Variants in GLYATL2 observed in about 807,000 individuals in gnomAD.
The protein encoded by GLYATL2 is glycine N-acyltransferase-like protein 2.
Under a neutral mutation model 21.4 loss-of-function variants are expected in GLYATL2, and 25 were observed. The observed-to-expected ratio is 1.17, with a 90% CI of 0.85 to 1.63. The LOEUF (loss-of-function observed/expected upper bound fraction) is 1.63, where lower values mean the gene tolerates loss of function less well. GLYATL2 is among the 40% of genes most tolerant of loss of function. GLYATL2 has a pLI of 0.00. For synonymous variants in GLYATL2, 114 were observed against 118.2 expected, an observed-to-expected ratio of 0.96 and a Z score of 0.23; for missense variants, 361 against 343.3, an observed-to-expected ratio of 1.05 and a Z score of -0.41.
upstream of GLYATL2, among the ~76,000 whole-genome samples, chr11:58,848,843 G>C (rs115529724): frequency 5.3e-3 from 813 of 152,250 alleles, 9 homozygotes; most frequent in African/African-American, 0.019. Flanking sequence ...ATCAGTATCT[G>C]AGTACAGGAA....
intron 1 of GLYATL2, among the ~76,000 whole-genome samples, chr11:58,868,293 A>G (rs1854055040): frequency 6.7e-6 from 1 of 148,784 alleles, no homozygotes. Flanking sequence ...TTTCTTCCTT[A>G]GTAAAGGAGC....
intron 1 of GLYATL2, among the ~76,000 whole-genome samples, chr11:58,899,103 C>G (rs1405962338): frequency 2.0e-5 from 3 of 152,116 alleles, no homozygotes; most frequent in African/African-American, 4.8e-5. Flanking sequence ...AACCTTGAAC[C>G]TTCATTCAAG....
At chr11:58,905,431 G>A (rs1216433860), upstream of GLYATL2, 5 of 452,304 alleles carry the variant, frequency 1.1e-5, no homozygotes, top group Admixed American at 1.2e-4. Flanking sequence ...CCCATCAGCG[G>A]CAGAAGGGCA....
At chr11:58,848,621 G>A (rs1454506040), upstream of GLYATL2, among the ~76,000 whole-genome samples, 2 of 152,064 alleles carry the variant, frequency 1.3e-5, no homozygotes, top group Non-Finnish European at 1.5e-5. Flanking sequence ...GAATTAGTGA[G>A]CTTGAAGACA....
rs780202477 is a variant in GLYATL2 at position 58,837,393 on chromosome 11, A to G, written c.191T>C (p.Met64Thr). 2.2e-5 allele frequency: 35 copies of G among 1,612,180 alleles called. No individual in the cohort carries two copies. The South Asian group carries it at 2.9e-4, about 13-fold the overall frequency. ...IVITRPQKQE[M>T]KDDQDHYTNT... ...GGTATAATGATCCTGGTCATCTTTC[A>G]TCTCCTGATATAACAAATATCAATT... Residue 64 changes from methionine to threonine, a missense_variant, in exon 4 of 6, where the codon ATG becomes ACG. Met to Thr is a moderately conservative substitution (Grantham distance 81). Coordinates refer to ENST00000287275, the MANE Select transcript of GLYATL2 (RefSeq NM_145016.4).
chr11:58,870,655 G>C (rs952333959), intron 1 of GLYATL2, among the ~76,000 whole-genome samples: 1 of 152,150 alleles, frequency 6.6e-6, no homozygotes, highest in Non-Finnish European at 1.5e-5. Context: ...CTGGGTAAAG[G>C]CAGGATTTTA....
In GLYATL2 at chr11:58,834,371, T is replaced by G. The variant is rs746567898; in HGVS notation, c.*58A>C. ...GTGCTAATGTAGATCACAATGCTTG[T>G]GTTTGAATTAATGTTTTTTTACTGA... is the stretch of plus-strand genomic sequence containing the variant. On this transcript the variant is annotated 3_prime_UTR_variant, in exon 6 of 6. Coordinates refer to ENST00000287275, the MANE Select transcript of GLYATL2 (RefSeq NM_145016.4). 163 of 1,367,382 alleles carry G rather than the reference T, an allele frequency of 1.2e-4. No individual in the cohort carries two copies. Among genetic ancestry groups the G allele is most frequent in the Non-Finnish European group, 1.6e-4 (158 of 999,820 alleles). The allele number at this position is 1,367,382 out of a possible 1,614,324, so 84.7% of individuals were successfully genotyped here.
intron 3 of GLYATL2, among the ~76,000 whole-genome samples, chr11:58,837,754 G>A (rs1430759646): frequency 6.6e-6 from 1 of 152,208 alleles, no homozygotes; most frequent in Non-Finnish European, 1.5e-5. Flanking sequence ...TTTTGACAAG[G>A]TGTCACCTGA....
chr11:58,837,333 T>A lies in GLYATL2; in HGVS notation c.251A>T (p.Lys84Ile), dbSNP rs76354468. The A allele has an allele frequency of 0.03, 48,410 of 1,613,864 alleles. 863 individuals carry two copies. Among genetic ancestry groups the A allele is most frequent in the Non-Finnish European group, 0.036 (42,385 of 1,179,774 alleles). Residue 84 changes from lysine (K) to isoleucine (I), a missense_variant, in exon 4 of 6, where the codon AAA (lysine) becomes ATA (isoleucine). Coordinates refer to ENST00000287275, the MANE Select transcript of GLYATL2 (RefSeq NM_145016.4). The stretch of plus-strand genomic sequence containing the variant: ...GGAGTATGACAGGACTTCCTCTAAT[T>A]TGTCAGGAGCTTTGGTGAAGATGTG... ...TYHIFTKAPDKLEEVLSYSNV... is the reference protein window; with the variant it reads ...TYHIFTKAPDILEEVLSYSNV...
intron 1 of GLYATL2, among the ~76,000 whole-genome samples, chr11:58,876,716 A>T (rs983719234): frequency 3.9e-5 from 6 of 152,192 alleles, no homozygotes; most frequent in African/African-American, 1.4e-4. Flanking sequence ...GGTGCCTCCC[A>T]GTTAGGCTAC....
upstream of GLYATL2, among the ~76,000 whole-genome samples, chr11:58,846,749 A>G (rs1853651989): frequency 1.3e-5 from 2 of 152,152 alleles, no homozygotes; most frequent in South Asian, 4.1e-4. Flanking sequence ...TAAACGTGAA[A>G]GGCAGTGTAA....
upstream of GLYATL2, among the ~76,000 whole-genome samples, chr11:58,848,922 G>A (rs1362147344): frequency 6.6e-6 from 1 of 152,026 alleles, no homozygotes; most frequent in Non-Finnish European, 1.5e-5. Context: ...ACTCCCAAAG[G>A]TCAAGGAGAA....
rs538334030 is a variant in GLYATL2 at position 58,896,104 on chromosome 11, C to T, written n.60+8052G>A. On this transcript the variant is annotated intron_variant and non_coding_transcript_variant, in intron 1 of 4. Transcript: ENST00000533636. The stretch of plus-strand genomic sequence containing the variant: ...ACTTCTGACCTTGTGATCCACCCTC[C>T]GCGGCCTCCGAAAGTGCGAGTATTA... Among the ~76,000 whole-genome samples, 51 of 152,238 alleles carry T rather than the reference C, an allele frequency of 3.4e-4. No individual in the cohort carries two copies. The East Asian group carries it at 7.0e-3, about 21-fold the overall frequency.
chr11:58,883,301 C>A (rs1322141387), intron 1 of GLYATL2, among the ~76,000 whole-genome samples: 4 of 151,544 alleles, frequency 2.6e-5, no homozygotes, highest in Non-Finnish European at 4.4e-5. Flanking sequence ...AAAAGATCAA[C>A]AAAATTGATA....
At chr11:58,867,001 G>T (rs942907435) in intron 1 of GLYATL2, among the ~76,000 whole-genome samples, 4 of 148,872 alleles carry the variant, frequency 2.7e-5, no homozygotes, top group African/African-American at 9.7e-5. Flanking sequence ...ATATTGATAT[G>T]AAAGAAGCAG....
intron 1 of GLYATL2, among the ~76,000 whole-genome samples, chr11:58,895,672 C>T (rs978664496): frequency 6.6e-6 from 1 of 152,010 alleles, no homozygotes; most frequent in African/African-American, 2.4e-5. Flanking sequence ...AGGGAGTTTT[C>T]GGTAAGATTT....
At position 58,838,316 on chromosome 11, in the gene GLYATL2, A is replaced by C; in HGVS notation, c.131T>G (p.Val44Gly). The change falls in exon 3 of 6, where the codon GTG becomes GGG. Residue 44 changes from valine (V) to glycine (G), a missense_variant. Val to Gly is a moderately radical substitution (Grantham distance 109, BLOSUM62 -3). Transcript: ENST00000287275. ...GTAATCTGGCCAGGCATCTACCAGC[A>C]CCTCCATGTTGAAAGGGTTTTTATC... ...IKDKNPFNME[V>G]LVDAWPDYQI... 1 of 1,613,338 alleles carries C rather than the reference A, an allele frequency of 6.2e-7. No individual in the cohort carries two copies. The highest frequency in any genetic ancestry group is 8.5e-7 in the Non-Finnish European group (1 of 1,179,522).
chr11:58,890,309 C>A (rs1467729436), intron 1 of GLYATL2, among the ~76,000 whole-genome samples: 2 of 152,102 alleles, frequency 1.3e-5, no homozygotes, highest in African/African-American at 4.8e-5. Flanking sequence ...CCCAGCAATG[C>A]CATTACTAGG....
At chr11:58,838,931 A>G (rs893772864) in intron 2 of GLYATL2, among the ~76,000 whole-genome samples, 5 of 152,140 alleles carry the variant, frequency 3.3e-5, no homozygotes, top group Non-Finnish European at 7.3e-5. Context: ...GTCTTGATGA[A>G]TATGTTATGC....
Sources: allele counts gnomAD v4.1 joint callset (sites outside exome capture counted in the v4.1 genomes callset), GRCh38; gene constraint gnomAD v4.1.1; transcripts MANE v1.5; gene names NCBI Gene and HGNC (gene_info 2026-07-23, HGNC 2026-07-21).